KAT6A: variants seen among roughly 807,000 people sequenced by gnomAD.
KAT6A encodes histone acetyltransferase KAT6A.
In KAT6A, 9 loss-of-function variants were observed where a neutral mutation model predicts 198.4. The ratio of observed to expected loss-of-function variants is 0.05; its 90% CI spans 0.03 to 0.08. The LOEUF is 0.08. Among genes scored for constraint, KAT6A ranks in the 10% least tolerant of loss-of-function variants. The probability of loss-of-function intolerance (pLI) is 1.00; values close to 1 mark genes in which losing one functional copy is unlikely to be tolerated. For synonymous variants in KAT6A, 890 were observed against 883.0 expected (o/e 1.01, Z -0.14); for missense variants, 2,077 against 2,509.9 (o/e 0.83, Z 3.69).
At chr8:41,987,192 G>T (rs376710203) in intron 3 of KAT6A, among the ~76,000 whole-genome samples, 2 of 152,172 alleles carry the variant, frequency 1.3e-5, no homozygotes, top group East Asian at 1.9e-4. Context: ...TACTGTACGG[G>T]TTTGAGCCTA....
intron 2 of KAT6A, among the ~76,000 whole-genome samples, chr8:42,016,017 A>G (rs1826255125): frequency 6.6e-6 from 1 of 152,192 alleles, no homozygotes; most frequent in Non-Finnish European, 1.5e-5. Flanking sequence ...AATAACCAAA[A>G]GGCAAGGTAC....
At chr8:41,956,939 A>G in intron 8 of KAT6A, 1 of 431,618 alleles carries the variant, frequency 2.3e-6, no homozygotes, top group South Asian at 1.9e-5. Context: ...TCACAACTCA[A>G]AGTAATAACA....
At chr8:42,045,596 T>C (rs769338766) in intron 2 of KAT6A, among the ~76,000 whole-genome samples, 1 of 151,278 alleles carries the variant, frequency 6.6e-6, no homozygotes, top group Non-Finnish European at 1.5e-5. Context: ...ACACTATATA[T>C]GAAAGCTATG....
At chr8:42,020,092 C>T (rs968766379) in intron 2 of KAT6A, among the ~76,000 whole-genome samples, 1 of 152,100 alleles carries the variant, frequency 6.6e-6, no homozygotes, top group Non-Finnish European at 1.5e-5. Flanking sequence ...AAACTATTTT[C>T]ATATCTTATA....
intron 2 of KAT6A, among the ~76,000 whole-genome samples, chr8:42,028,909 T>C (rs551987013): frequency 6.6e-6 from 1 of 152,344 alleles, no homozygotes; most frequent in Admixed American, 6.5e-5. Flanking sequence ...TGTATTTGCA[T>C]GTTTTCATGG....
chr8:41,937,969 T>C (rs999425851), intron 15 of KAT6A, among the ~76,000 whole-genome samples: 4 of 152,232 alleles, frequency 2.6e-5, no homozygotes, highest in African/African-American at 9.6e-5. Context: ...CTGTGAAGGT[T>C]TGCAGAACTA....
In KAT6A at chr8:41,977,044, C is replaced by G. The variant is rs766735295; in HGVS notation, c.1327G>C (p.Gly443Arg). 1.9e-6 allele frequency: 3 copies of G among 1,611,736 alleles called. No individual in the cohort carries two copies. Among genetic ancestry groups the G allele is most frequent in the Admixed American group, 1.7e-5 (1 of 59,800 alleles). The change falls in exon 7 of 17, where the codon GGC (glycine) becomes CGC (arginine). Residue 443 changes from glycine to arginine, a missense_variant. Transcript: ENST00000265713. ...TCTGAAGTGCTTGATTTCCTGTTGC[C>G]CCTCTTTCTGATTCGATATTGCTCA... ...YSEQYRIRKR[G>R]NRKSSTSDWP...
intron 12 of KAT6A, 85 bp downstream of exon 12, chr8:41,946,506 A>G (rs1822401472): frequency 1.6e-6 from 1 of 633,208 alleles, no homozygotes. Flanking sequence ...ACACACACAC[A>G]CACACACACA....
chr8:42,043,808 T>A (rs1186795756), intron 2 of KAT6A, among the ~76,000 whole-genome samples: 1 of 152,198 alleles, frequency 6.6e-6, no homozygotes, highest in Non-Finnish European at 1.5e-5. Flanking sequence ...ATCCCAGCTC[T>A]GCCACCTAAT....
intron 3 of KAT6A, among the ~76,000 whole-genome samples, chr8:41,983,897 T>A (rs1051720468): frequency 6.6e-6 from 1 of 152,250 alleles, no homozygotes; most frequent in Non-Finnish European, 1.5e-5. Flanking sequence ...TTTCATAGGC[T>A]CAACTATTAG....
At position 41,978,634 on chromosome 8, in the gene KAT6A, C is replaced by T; in HGVS notation, c.1043+8G>A. 1 of 1,613,672 alleles carries T rather than the reference C, an allele frequency of 6.2e-7. No homozygotes were observed. The highest frequency in any genetic ancestry group is 8.5e-7 in the Non-Finnish European group (1 of 1,179,770). ...TTCTCCCCTCACCTTGCCACAAGTACAACTTACACCGTGTTTTGTTTCTTT... is the reference window on the plus strand; with the variant it reads ...TTCTCCCCTCACCTTGCCACAAGTATAACTTACACCGTGTTTTGTTTCTTT... On this transcript the variant is annotated splice_region_variant and intron_variant, in intron 6 of 16. Coordinates refer to ENST00000265713, the MANE Select transcript of KAT6A (RefSeq NM_006766.5).
chr8:41,975,012 C>G (rs868868820), intron 7 of KAT6A, among the ~76,000 whole-genome samples, 190 bp from the exon 8 acceptor site: 12 of 152,104 alleles, frequency 7.9e-5, no homozygotes, highest in African/African-American at 2.9e-4. Context: ...TAGTGGAAAT[C>G]CTGAATTGTC....
intron 2 of KAT6A, among the ~76,000 whole-genome samples, chr8:41,993,895 G>A (rs1825063180): frequency 6.6e-6 from 1 of 152,096 alleles, no homozygotes; most frequent in Admixed American, 6.5e-5. Flanking sequence ...AGTGAGGTAG[G>A]GCTAAAACTA....
At chr8:42,040,810 G>GT (rs986764720) in intron 2 of KAT6A, among the ~76,000 whole-genome samples, 16 of 147,534 alleles carry the variant, frequency 1.1e-4, no homozygotes, top group African/African-American at 3.7e-4. Flanking sequence ...CTTTGGATTA[G>GT]TAATGGCTAA....
intron 2 of KAT6A, among the ~76,000 whole-genome samples, chr8:42,045,817 CAA>C (rs747713066): frequency 1.4e-4 from 9 of 63,250 alleles, no homozygotes; most frequent in Admixed American, 1.6e-4. Context: ...ACTAAAAATA[CAA>C]AAAAAAAAAA....
chr8:41,962,484 T>C (rs1823251964), intron 8 of KAT6A, among the ~76,000 whole-genome samples: 1 of 151,940 alleles, frequency 6.6e-6, no homozygotes, highest in African/African-American at 2.4e-5. Flanking sequence ...TCCCAATGGG[T>C]CTACCTTCAA....
At chr8:41,959,297 A>G (rs1035523914) in intron 8 of KAT6A, among the ~76,000 whole-genome samples, 3 of 152,156 alleles carry the variant, frequency 2.0e-5, no homozygotes, top group Non-Finnish European at 2.9e-5. Flanking sequence ...ACAATCAGAT[A>G]CTACTTCACA....
At chr8:42,022,026 T>C (rs1015428585) in intron 2 of KAT6A, among the ~76,000 whole-genome samples, 2 of 152,236 alleles carry the variant, frequency 1.3e-5, no homozygotes, top group African/African-American at 4.8e-5. Context: ...ATTTTTCTCT[T>C]TTAATGACTC....
intron 2 of KAT6A, among the ~76,000 whole-genome samples, chr8:42,027,968 A>T (rs1280010775): frequency 6.6e-6 from 1 of 152,128 alleles, no homozygotes; most frequent in Non-Finnish European, 1.5e-5. Flanking sequence ...TTGTTGTAAG[A>T]AATTTTTTTT....
Sources: allele counts gnomAD v4.1 joint callset (sites outside exome capture counted in the v4.1 genomes callset), GRCh38; gene constraint gnomAD v4.1.1; transcripts MANE v1.5; gene names NCBI Gene and HGNC (gene_info 2026-07-23, HGNC 2026-07-21).